Variants in CTNND2 observed in about 807,000 individuals in gnomAD.
CTNND2 encodes catenin delta 2.
Under a neutral mutation model 144.4 loss-of-function variants are expected in CTNND2, and 22 were observed. The observed-to-expected ratio is 0.15, with a 90% confidence interval of 0.11 to 0.22. The LOEUF is 0.22. CTNND2 is among the 10% of genes least tolerant of loss of function. The pLI, the probability that CTNND2 is intolerant of heterozygous loss-of-function variation, is 1.00. For missense variants in CTNND2, 1,353 were observed against 1,618.8 expected (o/e 0.84, Z 2.82); for synonymous variants, 751 against 695.6 (o/e 1.08, Z -1.25).
At chr5:11,086,266 G>A (rs1056931763) in intron 15 of CTNND2, among the ~76,000 whole-genome samples, 1 of 152,068 alleles carries the variant, frequency 6.6e-6, no homozygotes, top group Non-Finnish European at 1.5e-5. Context: ...CAGGACCCTG[G>A]ACCGGAGATG....
intron 3 of CTNND2, among the ~76,000 whole-genome samples, chr5:11,490,065 T>C (rs918351976): frequency 6.6e-6 from 1 of 152,198 alleles, no homozygotes; most frequent in African/African-American, 2.4e-5. Flanking sequence ...GCAAACCTCA[T>C]GATAAAACAA....
At chr5:11,161,683 T>C (rs941721135) in intron 11 of CTNND2, among the ~76,000 whole-genome samples, 6 of 152,306 alleles carry the variant, frequency 3.9e-5, no homozygotes, top group Non-Finnish European at 8.8e-5. Flanking sequence ...AGGAATACCA[T>C]GTTAAGACAT....
At chr5:10,995,976 G>C (rs1406357514) in intron 18 of CTNND2, among the ~76,000 whole-genome samples, 2 of 152,160 alleles carry the variant, frequency 1.3e-5, no homozygotes, top group Non-Finnish European at 2.9e-5. Context: ...AGAGAAGAGA[G>C]AAAGGGAAGG....
chr5:10,986,108 T>TTAAG (rs1737919037), intron 20 of CTNND2, among the ~76,000 whole-genome samples: 1 of 152,240 alleles, frequency 6.6e-6, no homozygotes, highest in African/African-American at 2.4e-5. Flanking sequence ...AATTGCATTT[T>TTAAG]TAAGTAAGTT....
chr5:11,468,501 C>A (rs1240149564), intron 3 of CTNND2, among the ~76,000 whole-genome samples: 2 of 152,148 alleles, frequency 1.3e-5, no homozygotes, highest in African/African-American at 4.8e-5. Flanking sequence ...GAAGCCACAG[C>A]CCATCCACAG....
At chr5:11,164,137 G>C (rs1759065831) in intron 11 of CTNND2, among the ~76,000 whole-genome samples, 1 of 151,928 alleles carries the variant, frequency 6.6e-6, no homozygotes, top group Non-Finnish European at 1.5e-5. Context: ...CCTGGACTCT[G>C]ACCCTCCTAC....
chr5:11,700,465 C>A (rs572663309), intron 2 of CTNND2, among the ~76,000 whole-genome samples: 1 of 152,234 alleles, frequency 6.6e-6, no homozygotes, highest in East Asian at 1.9e-4. Flanking sequence ...GAGGAGCTTA[C>A]AATTTGCTGT....
At chr5:11,232,400 G>C (rs1188164314) in intron 10 of CTNND2, among the ~76,000 whole-genome samples, 1 of 152,266 alleles carries the variant, frequency 6.6e-6, no homozygotes, top group Admixed American at 6.5e-5. Flanking sequence ...ATAGGGCAGA[G>C]CTGCTCAAGG....
chr5:11,583,053 C>A (rs887544256), intron 2 of CTNND2, among the ~76,000 whole-genome samples: 1 of 152,210 alleles, frequency 6.6e-6, no homozygotes, highest in Non-Finnish European at 1.5e-5. Context: ...GTTTTTCTGG[C>A]TTCCTTCTAA....
At chr5:11,699,488 A>G (rs1055233466) in intron 2 of CTNND2, among the ~76,000 whole-genome samples, 1 of 152,214 alleles carries the variant, frequency 6.6e-6, no homozygotes, top group African/African-American at 2.4e-5. Context: ...GAGAAATTGA[A>G]TAAAAAGTCT....
chr5:11,379,645 T>A (rs1270204050), intron 7 of CTNND2, among the ~76,000 whole-genome samples: 1 of 152,132 alleles, frequency 6.6e-6, no homozygotes, highest in Non-Finnish European at 1.5e-5. Context: ...TTCTCAACCA[T>A]TTATAAGTGA....
intron 21 of CTNND2, among the ~76,000 whole-genome samples, chr5:10,974,373 G>A (rs1394551553): frequency 2.6e-5 from 4 of 152,182 alleles, no homozygotes; most frequent in Non-Finnish European, 5.9e-5. Flanking sequence ...AACTGCACTT[G>A]CACCCCCATG....
intron 11 of CTNND2, among the ~76,000 whole-genome samples, chr5:11,195,696 TA>T (rs1736794161): frequency 6.6e-6 from 1 of 152,252 alleles, no homozygotes. Context: ...TATAGTTTAA[TA>T]AAAACCATTT....
intron 9 of CTNND2, among the ~76,000 whole-genome samples, chr5:11,278,383 A>G (rs1746772659): frequency 6.6e-6 from 1 of 152,208 alleles, no homozygotes; most frequent in Non-Finnish European, 1.5e-5. Flanking sequence ...TATGTGCCAG[A>G]CACTGGAAAG....
intron 1 of CTNND2, among the ~76,000 whole-genome samples, chr5:11,877,595 ATATT>A (rs1374094138): frequency 1.3e-5 from 2 of 152,176 alleles, no homozygotes; most frequent in Admixed American, 1.3e-4. Flanking sequence ...ATTAACTCTG[ATATT>A]TAAAGTATCT....
At chr5:11,161,643 T>C (rs1024931680) in intron 11 of CTNND2, among the ~76,000 whole-genome samples, 2 of 152,202 alleles carry the variant, frequency 1.3e-5, no homozygotes, top group Non-Finnish European at 2.9e-5. Context: ...AAGAAATTAG[T>C]ATCTACCCCA....
rs149267215 is a variant in CTNND2, at chr5:11,388,368, A to T, written c.613-3139T>A. ...ACTGCTCAATATGGCACCGCTGAAC[A>T]CATGGGCTGATTGACAGCTTGAAAT... On this transcript the variant is annotated intron_variant, in intron 6 of 21. Coordinates refer to ENST00000304623, the MANE Select transcript of CTNND2 (RefSeq NM_001332.4). Among the ~76,000 whole-genome samples, 467 of 152,330 alleles carry T rather than the reference A, an allele frequency of 3.1e-3. 1 individual carries two copies. Among genetic ancestry groups the T allele is most frequent in the African/African-American group, 0.011 (441 of 41,568 alleles).
intron 3 of CTNND2, among the ~76,000 whole-genome samples, chr5:11,508,808 G>A (rs1165610975): frequency 3.3e-5 from 5 of 152,104 alleles, no homozygotes; most frequent in Non-Finnish European, 7.4e-5. Context: ...CTACTTGGGA[G>A]GCTGAAGCAG....
At chr5:11,621,004 T>G (rs1201560349) in intron 2 of CTNND2, among the ~76,000 whole-genome samples, 1 of 152,192 alleles carries the variant, frequency 6.6e-6, no homozygotes, top group East Asian at 1.9e-4. Flanking sequence ...TCAAGAATAG[T>G]TGTAGGTCCT....
Sources: allele counts gnomAD v4.1 joint callset (sites outside exome capture counted in the v4.1 genomes callset), GRCh38; gene constraint gnomAD v4.1.1; transcripts MANE v1.5; gene names NCBI Gene and HGNC (gene_info 2026-07-23, HGNC 2026-07-21).